The following DNAH3 variants were observed in gnomAD, a reference collection of about 807,000 sequenced individuals.
DNAH3 encodes the protein axonemal beta dynein heavy chain 3.
DNAH3 carries 332 observed loss-of-function variants against 432.5 expected under a neutral mutation model. The observed-to-expected ratio is 0.77, with a 90% confidence interval of 0.70 to 0.84. The LOEUF (loss-of-function observed/expected upper bound fraction) is 0.84, where lower values mean the gene tolerates loss of function less well. Ranked by LOEUF, DNAH3 falls within the 40% of genes least tolerant of loss-of-function variation. DNAH3 has a pLI of 0.00. For synonymous variants in DNAH3, 1,956 were observed against 1,900.2 expected (o/e 1.03, Z -0.76); for missense variants, 4,861 against 5,114.0 (o/e 0.95, Z 1.51).
At chr16:21,072,240 A>ATTTACTT (rs530505999) in intron 21 of DNAH3, among the ~76,000 whole-genome samples, 1 of 151,426 alleles carries the variant, frequency 6.6e-6, no homozygotes, top group Non-Finnish European at 1.5e-5. Context: ...TTAATTAATT[A>ATTTACTT]ATTTTAATTT....
intron 44 of DNAH3, among the ~76,000 whole-genome samples, chr16:20,992,596 T>C (rs1259221189): frequency 6.6e-6 from 1 of 152,204 alleles, no homozygotes; most frequent in African/African-American, 2.4e-5. Flanking sequence ...TGCCTCAGCC[T>C]CCCAAAGTGC....
intron 3 of DNAH3, 68 bp from the exon 5 acceptor site, chr16:21,141,440 G>C: frequency 8.4e-7 from 1 of 1,192,946 alleles, no homozygotes; most frequent in Non-Finnish European, 1.2e-6. Flanking sequence ...GTCCACAGGG[G>C]CATGACTCTC....
chr16:21,051,800 G>A lies in DNAH3; in HGVS notation c.4108C>T (p.Gln1370Ter). 6.2e-7 allele frequency: 1 copy of A among 1,614,084 alleles called. No homozygotes were observed. The highest frequency in any genetic ancestry group is 1.1e-5 in the South Asian group (1 of 91,064). ...TTGGCCACCCAGTAGTAGCGCAGCT[G>A]TGAGATCCATTGGAAATCATTCAGA... Residue 1370 changes from glutamine (Q) to a stop codon, truncating the protein, a stop_gained, in exon 29 of 62, where the codon CAG becomes TAG. Transcript: ENST00000261383. LOFTEE classifies it high-confidence loss of function.
chr16:20,977,221 G>A (rs1177574996), intron 50 of DNAH3, among the ~76,000 whole-genome samples: 2 of 151,920 alleles, frequency 1.3e-5, no homozygotes, highest in East Asian at 1.9e-4. Context: ...TACTAAAAAC[G>A]CAAAAATTAG....
At chr16:20,957,779 C>G (rs1252314159) in intron 54 of DNAH3, among the ~76,000 whole-genome samples, 1 of 119,652 alleles carries the variant, frequency 8.4e-6, no homozygotes, top group African/African-American at 3.2e-5. Flanking sequence ...TGCACTCCAG[C>G]CTGGGCAATA....
intron 16 of DNAH3, among the ~76,000 whole-genome samples, chr16:21,100,658 C>G (rs1429747176): frequency 6.6e-6 from 1 of 152,176 alleles, no homozygotes; most frequent in Non-Finnish European, 1.5e-5. Flanking sequence ...AGCTCACATC[C>G]CTGAGTCATC....
chr16:21,039,740 G>A, intron 33 of DNAH3, 112 bp downstream of exon 33: 1 of 870,224 alleles, frequency 1.1e-6, no homozygotes, highest in Admixed American at 1.8e-5. Context: ...GCAGAAGCAA[G>A]TTTCTCAAGC....
At chr16:21,153,786 A>G (rs1294604504) in intron 1 of DNAH3, among the ~76,000 whole-genome samples, 1 of 152,212 alleles carries the variant, frequency 6.6e-6, no homozygotes, top group Non-Finnish European at 1.5e-5. Context: ...CCACGGCTTC[A>G]TTCTTGAAGT....
In DNAH3 at chr16:20,994,058, A is replaced by G. The variant is rs140300152; in HGVS notation, c.6601+3225T>C. 8.6e-4 allele frequency among the ~76,000 whole-genome samples: 130 copies of G among 151,754 alleles called. 1 individual carries two copies. The highest frequency in any genetic ancestry group is 3.0e-3 in the African/African-American group (124 of 41,364). ...ATTTTCTTATTCAGATACTTCAGACACTTCATGTTGGATTTTCTTTGTAAC... is the reference window on the plus strand; with the variant it reads ...ATTTTCTTATTCAGATACTTCAGACGCTTCATGTTGGATTTTCTTTGTAAC... On this transcript the variant is annotated intron_variant, in intron 44 of 61. Transcript: ENST00000261383.
At chr16:21,020,267 C>A (rs1337832531) in intron 40 of DNAH3, among the ~76,000 whole-genome samples, 2 of 143,422 alleles carry the variant, frequency 1.4e-5, no homozygotes, top group Non-Finnish European at 3.0e-5. Context: ...AGCAATCCAC[C>A]CACCTCGGCC....
chr16:20,996,364 T>C (rs1250700126), intron 44 of DNAH3, among the ~76,000 whole-genome samples: 1 of 152,198 alleles, frequency 6.6e-6, no homozygotes, highest in African/African-American at 2.4e-5. Flanking sequence ...AACCTTTTGA[T>C]GATAGGGATA....
At position 20,987,727 on chromosome 16, in the gene DNAH3, T is replaced by G. The variant is rs750814316; in HGVS notation, c.6848A>C (p.Gln2283Pro). The stretch of plus-strand genomic sequence containing the variant: ...TGTGTGAGGGCACAGCAGGACCCCT[T>G]GAATCACTCGTGAGAAGTCCCGCAG... The change falls in exon 46 of 62, where the codon CAA becomes CCA. Residue 2283 changes from glutamine to proline, a missense_variant. Gln to Pro is a moderately conservative substitution (Grantham distance 76, BLOSUM62 -1). Coordinates refer to ENST00000261383, the Ensembl canonical transcript of DNAH3. 18 of 1,614,028 alleles carry G rather than the reference T, an allele frequency of 1.1e-5. No individual in the cohort carries two copies. Among genetic ancestry groups the G allele is most frequent in the African/African-American group, 2.7e-5 (2 of 74,912 alleles).
At chr16:20,953,189 C>T (rs761429104) in intron 55 of DNAH3, among the ~76,000 whole-genome samples, 1 of 150,102 alleles carries the variant, frequency 6.7e-6, no homozygotes, top group South Asian at 2.1e-4. Context: ...GACAGAGTCT[C>T]GCTCTGTCCC....
At chr16:21,034,133 C>A in intron 35 of DNAH3, 48 bp from the exon 36 acceptor site, 1 of 1,276,864 alleles carries the variant, frequency 7.8e-7, no homozygotes, top group Non-Finnish European at 1.1e-6. Context: ...TGCAACGCTC[C>A]CCCATTGTGA....
chr16:21,037,225 C>T (rs988137586), intron 34 of DNAH3, among the ~76,000 whole-genome samples: 22 of 152,154 alleles, frequency 1.4e-4, no homozygotes, highest in African/African-American at 5.1e-4. Context: ...AGGAGAATCA[C>T]TTGAATCCAG....
intron 12 of DNAH3, among the ~76,000 whole-genome samples, chr16:21,113,685 C>T (rs956757190): frequency 2.6e-5 from 4 of 152,154 alleles, no homozygotes; most frequent in African/African-American, 4.8e-5. Context: ...TCTCAAATTC[C>T]TGGCCTCAAG....
At chr16:20,999,040 T>C (rs2086895108) in intron 43 of DNAH3, among the ~76,000 whole-genome samples, 1 of 152,082 alleles carries the variant, frequency 6.6e-6, no homozygotes, top group South Asian at 2.1e-4. Context: ...GAAGATCACT[T>C]GAGGCCAGGA....
chr16:21,089,001 AAAG>A (rs752702213), intron 18 of DNAH3, among the ~76,000 whole-genome samples: 12 of 152,216 alleles, frequency 7.9e-5, no homozygotes, highest in Non-Finnish European at 1.6e-4. Flanking sequence ...ACTGGAAATT[AAAG>A]AAGGTGCCAT....
At chr16:21,106,749 G>A in intron 14 of DNAH3, 75 bp from the exon 15 acceptor site, 1 of 1,233,846 alleles carries the variant, frequency 8.1e-7, no homozygotes, top group South Asian at 2.8e-5. Flanking sequence ...TTTCTTGTAA[G>A]ACTCCATGTT....
Sources: gnomAD v4.1 joint callset for allele counts (sites outside exome capture counted in the v4.1 genomes callset) on GRCh38, gnomAD v4.1.1 for gene constraint, MANE v1.5 for transcripts, NCBI Gene and HGNC (gene_info 2026-07-23, HGNC 2026-07-21) for gene names.